Variants in ABLIM3 observed in about 807,000 individuals in gnomAD.
ABLIM3 encodes the protein actin-binding LIM protein 3.
A neutral mutation model predicts 109.5 loss-of-function variants in ABLIM3; 61 were observed. The ratio of observed to expected loss-of-function variants is 0.56; its 90% CI spans 0.45 to 0.69. The LOEUF (loss-of-function observed/expected upper bound fraction) is 0.69, where lower values mean the gene tolerates loss of function less well. Ranked by LOEUF, ABLIM3 falls within the 30% of genes least tolerant of loss-of-function variation. The pLI, the probability that ABLIM3 is intolerant of heterozygous loss-of-function variation, is 0.00. For synonymous variants in ABLIM3, 300 were observed against 324.8 expected, an observed-to-expected ratio of 0.92 and a Z score of 0.82; for missense variants, 796 against 889.5, an observed-to-expected ratio of 0.89 and a Z score of 1.34.
chr5:149,251,518 G>A (rs1459135458), intron 21 of ABLIM3, 99 bp downstream of exon 21: 3 of 1,392,842 alleles, frequency 2.2e-6, no homozygotes, highest in Non-Finnish European at 3.0e-6. Flanking sequence ...TACAGATTCT[G>A]TCCCCACGCT....
rs1267909233 is a variant in ABLIM3, at chr5:149,249,719, C to T, written c.1700-96C>T. On this transcript the variant is annotated intron_variant, in intron 18 of 23. Transcript: ENST00000309868. ...CCTTTTCCCAGCCAGCCAGGGGGAT[C>T]GGGTATGGAAGCCACATCTCTTTGT... 2.2e-5 allele frequency: 32 copies of T among 1,464,140 alleles called. No individual in the cohort carries two copies. The East Asian group carries it at 4.1e-4, about 19-fold the overall frequency. The allele number at this position is 1,464,140 out of a possible 1,614,324, so 90.7% of individuals were successfully genotyped here.
At chr5:149,234,980 C>T (rs773043379) in intron 10 of ABLIM3, among the ~76,000 whole-genome samples, 1 of 152,108 alleles carries the variant, frequency 6.6e-6, no homozygotes, top group Non-Finnish European at 1.5e-5. Flanking sequence ...CCAGAATTGC[C>T]CCTGTGATGA....
At chr5:149,165,260 A>C (rs868145683) in intron 2 of ABLIM3, among the ~76,000 whole-genome samples, 1 of 152,320 alleles carries the variant, frequency 6.6e-6, no homozygotes, top group Middle Eastern at 3.4e-3. Context: ...TCTCTAGCCC[A>C]TTGAATGATT....
At chr5:149,240,858 A>T in intron 14 of ABLIM3, 84 bp downstream of exon 14, 2 of 1,296,408 alleles carry the variant, frequency 1.5e-6, no homozygotes. Flanking sequence ...TCGATGCCAC[A>T]CAGGCACCAA....
intron 23 of ABLIM3, among the ~76,000 whole-genome samples, chr5:149,257,136 C>T (rs1754503592): frequency 6.6e-6 from 1 of 152,168 alleles, no homozygotes; most frequent in Non-Finnish European, 1.5e-5. Flanking sequence ...GAAACCCCAT[C>T]TCTACTAAAA....
intron 2 of ABLIM3, among the ~76,000 whole-genome samples, chr5:149,176,319 A>G (rs1221903814): frequency 6.6e-6 from 1 of 152,118 alleles, no homozygotes; most frequent in African/African-American, 2.4e-5. Context: ...GTCACCTCCA[A>G]TCATTATTTT....
chr5:149,231,901 G>A (rs1298551751), intron 9 of ABLIM3, among the ~76,000 whole-genome samples: 1 of 152,140 alleles, frequency 6.6e-6, no homozygotes, highest in African/African-American at 2.4e-5. Context: ...AGTAATACTT[G>A]CTATAAATAG....
chr5:149,218,695 G>C (rs975258426), intron 8 of ABLIM3: 2 of 152,196 alleles, frequency 1.3e-5, no homozygotes, highest in African/African-American at 4.8e-5. Context: ...CCCTTCTTTG[G>C]AAATCCTATC....
intron 2 of ABLIM3, among the ~76,000 whole-genome samples, chr5:149,154,484 G>T (rs1003841702): frequency 6.6e-6 from 1 of 152,180 alleles, no homozygotes; most frequent in African/African-American, 2.4e-5. Flanking sequence ...AAATTCCTTA[G>T]ACTCAGACTA....
At chr5:149,242,630 C>A in intron 15 of ABLIM3, 92 bp downstream of exon 15, 1 of 1,333,712 alleles carries the variant, frequency 7.5e-7, no homozygotes, top group Non-Finnish European at 1.1e-6. Flanking sequence ...CACCAGGAGC[C>A]ACAAAACACA....
chr5:149,185,580 C>T (rs543328749), intron 3 of ABLIM3, among the ~76,000 whole-genome samples: 1 of 152,134 alleles, frequency 6.6e-6, no homozygotes, highest in South Asian at 2.1e-4. Context: ...ATTTACCACA[C>T]GGAGTTTGTA....
intron 12 of ABLIM3, 30 bp from the exon 13 acceptor site, chr5:149,239,729 C>T (rs879161868): frequency 1.3e-6 from 2 of 1,561,236 alleles, no homozygotes; most frequent in African/African-American, 1.4e-5. Context: ...TAACAGCCAG[C>T]CATGCTCACA....
At chr5:149,206,854 C>A in intron 5 of ABLIM3, among the ~76,000 whole-genome samples, 154 bp from the exon 6 acceptor site, 1 of 141,182 alleles carries the variant, frequency 7.1e-6, no homozygotes, top group Non-Finnish European at 1.5e-5. Context: ...CTTTTTCTCT[C>A]CCCTGGGAGA....
chr5:149,177,692 G>C (rs965575156), intron 2 of ABLIM3, among the ~76,000 whole-genome samples: 3 of 152,150 alleles, frequency 2.0e-5, no homozygotes, highest in Non-Finnish European at 4.4e-5. Flanking sequence ...AACCTTTGCT[G>C]GACTTGTCAG....
chr5:149,163,327 G>A (rs968485272), intron 2 of ABLIM3, among the ~76,000 whole-genome samples: 5 of 152,166 alleles, frequency 3.3e-5, no homozygotes, highest in African/African-American at 1.2e-4. Flanking sequence ...CTACTCCAGG[G>A]CCATTGCATG....
At chr5:149,142,515 C>T in intron 2 of ABLIM3, among the ~76,000 whole-genome samples, 1 of 152,014 alleles carries the variant, frequency 6.6e-6, no homozygotes, top group East Asian at 1.9e-4. Context: ...TGTGGGCAGG[C>T]GGGAGGGTAG....
chr5:149,181,456 T>C (rs1756449613), intron 2 of ABLIM3, among the ~76,000 whole-genome samples: 1 of 152,218 alleles, frequency 6.6e-6, no homozygotes, highest in Non-Finnish European at 1.5e-5. Flanking sequence ...ATTTGTTTGA[T>C]TTTTGTCTTG....
At chr5:149,229,055 G>A (rs1478136361) in intron 8 of ABLIM3, among the ~76,000 whole-genome samples, 6 of 152,186 alleles carry the variant, frequency 3.9e-5, no homozygotes, top group African/African-American at 1.4e-4. Flanking sequence ...CCTGTAACAT[G>A]TGTTTCCTGC....
intron 21 of ABLIM3, among the ~76,000 whole-genome samples, chr5:149,251,781 C>T (rs1442025609): frequency 6.6e-6 from 1 of 152,174 alleles, no homozygotes; most frequent in Non-Finnish European, 1.5e-5. Flanking sequence ...ATTCCATGAG[C>T]TTCCTGCTCT....
Sources: allele counts gnomAD v4.1 joint callset (sites outside exome capture counted in the v4.1 genomes callset), GRCh38; gene constraint gnomAD v4.1.1; transcripts MANE v1.5; gene names NCBI Gene and HGNC (gene_info 2026-07-23, HGNC 2026-07-21).